Variants in CAB39 observed in about 807,000 individuals in gnomAD.
CAB39 encodes calcium-binding protein 39.
A neutral mutation model predicts 40.0 loss-of-function variants in CAB39; 8 were observed. The observed-to-expected ratio is 0.20, with a 90% confidence interval of 0.12 to 0.36. The LOEUF is 0.36. Ranked by LOEUF, CAB39 falls within the 10% of genes least tolerant of loss-of-function variation. The pLI is 1.00. For synonymous variants in CAB39, 156 were observed against 141.6 expected, an observed-to-expected ratio of 1.10 and a Z score of -0.72; for missense variants, 270 against 401.1, an observed-to-expected ratio of 0.67 and a Z score of 2.79.
chr2:230,790,828 G>A, intron 2 of CAB39, 44 bp from the exon 3 acceptor site: 1 of 1,512,044 alleles, frequency 6.6e-7, no homozygotes, highest in Non-Finnish European at 9.0e-7. Flanking sequence ...TTGTTAAAAT[G>A]AATTGTTTTT....
intron 5 of CAB39, among the ~76,000 whole-genome samples, chr2:230,800,782 G>T (rs1696077021): frequency 6.6e-6 from 1 of 152,156 alleles, no homozygotes; most frequent in South Asian, 2.1e-4. Flanking sequence ...GGCAAAGGTG[G>T]CTCAGAGGTG....
chr2:230,739,000 AT>A (rs2124886402), intron 1 of CAB39, among the ~76,000 whole-genome samples: 1 of 152,304 alleles, frequency 6.6e-6, no homozygotes, highest in East Asian at 1.9e-4. Context: ...CACAAAAATA[AT>A]TTTATGGAAG....
At chr2:230,759,322 C>T (rs1304719515) in intron 1 of CAB39, among the ~76,000 whole-genome samples, 2 of 152,110 alleles carry the variant, frequency 1.3e-5, no homozygotes, top group Admixed American at 6.5e-5. Flanking sequence ...GGAGGAGCAG[C>T]GTGAACACCG....
chr2:230,813,948 T>C (rs1250592817), intron 6 of CAB39, 101 bp from the exon 7 acceptor site: 3 of 599,982 alleles, frequency 5.0e-6, no homozygotes, highest in Admixed American at 3.6e-5. Flanking sequence ...AAATGTGTCC[T>C]TAAGCTAATT....
At chr2:230,818,027 A>C in intron 8 of CAB39, 130 bp downstream of exon 8, 2 of 811,984 alleles carry the variant, frequency 2.5e-6, no homozygotes, top group Non-Finnish European at 3.9e-6. Flanking sequence ...CACTTTTCAT[A>C]TTTGTGTGCT....
chr2:230,731,949 T>G (rs1178473901), intron 1 of CAB39, among the ~76,000 whole-genome samples: 1 of 152,252 alleles, frequency 6.6e-6, no homozygotes, highest in Non-Finnish European at 1.5e-5. Flanking sequence ...CAGTTTATCC[T>G]GCACTGATTT....
At chr2:230,815,681 C>T (rs1696387612) in intron 7 of CAB39, among the ~76,000 whole-genome samples, 1 of 152,124 alleles carries the variant, frequency 6.6e-6, no homozygotes, top group Non-Finnish European at 1.5e-5. Context: ...GGAGAAAGGC[C>T]TTCAAGACCC....
chr2:230,757,242 T>C (rs1033164056), intron 1 of CAB39, among the ~76,000 whole-genome samples: 2 of 152,154 alleles, frequency 1.3e-5, no homozygotes, highest in Admixed American at 1.3e-4. Context: ...ACCACAGGCA[T>C]GCATCACCAT....
chr2:230,759,921 CCA>C, intron 1 of CAB39, 36 bp from the exon 2 acceptor site: 1 of 673,496 alleles, frequency 1.5e-6, no homozygotes, highest in Non-Finnish European at 2.6e-6. Context: ...TCCGTTGATC[CCA>C]GTGTTTGCTC....
intron 2 of CAB39, among the ~76,000 whole-genome samples, chr2:230,773,839 G>C (rs980041482): frequency 1.1e-4 from 17 of 152,162 alleles, no homozygotes; most frequent in Non-Finnish European, 1.5e-4. Context: ...ATTTTGTCTT[G>C]ATATTAGGAA....
chr2:230,748,831 A>AAAAAATTAT (rs1386799920), intron 1 of CAB39, among the ~76,000 whole-genome samples: 1 of 28,512 alleles, frequency 3.5e-5, no homozygotes, highest in Non-Finnish European at 6.3e-5. Context: ...AAAAAAAAAA[A>AAAAAATTAT]ATATATATAT....
chr2:230,777,224 C>G (rs912567734), intron 2 of CAB39, among the ~76,000 whole-genome samples: 12 of 152,050 alleles, frequency 7.9e-5, no homozygotes, highest in African/African-American at 2.7e-4. Flanking sequence ...ATCCTTAATT[C>G]AGTACCACGT....
intron 1 of CAB39, among the ~76,000 whole-genome samples, chr2:230,730,530 C>T (rs963321553): frequency 3.3e-5 from 5 of 151,502 alleles, no homozygotes; most frequent in African/African-American, 9.7e-5. Flanking sequence ...CTGCAACCTC[C>T]GCCTCCTGGG....
At chr2:230,776,479 C>T (rs767792062) in intron 2 of CAB39, among the ~76,000 whole-genome samples, 7 of 152,204 alleles carry the variant, frequency 4.6e-5, no homozygotes, top group Non-Finnish European at 8.8e-5. Flanking sequence ...GCAATTGCAT[C>T]ACACTTATCT....
In CAB39 at chr2:230,817,869, T is replaced by C; in HGVS notation, c.809T>C (p.Ile270Thr). 6.2e-7 allele frequency: 1 copy of C among 1,613,214 alleles called. No homozygotes were observed. Residue 270 changes from isoleucine (I) to threonine (T), a missense_variant, in exon 8 of 9, where the codon ATC becomes ACC. Ile to Thr is a moderately conservative substitution (Grantham distance 89, BLOSUM62 -1). Coordinates refer to ENST00000258418, the MANE Select transcript of CAB39 (RefSeq NM_016289.4). ...MNLLRDKSRN[I>T]QFEAFHVFKV... The stretch of plus-strand genomic sequence containing the variant: ...CTGCTGCGAGACAAAAGTCGCAACA[T>C]CCAGTTTGAGGCCTTTCACGTTTTT...
At chr2:230,807,136 G>A (rs992776130) in intron 5 of CAB39, among the ~76,000 whole-genome samples, 2 of 151,978 alleles carry the variant, frequency 1.3e-5, no homozygotes, top group African/African-American at 4.8e-5. Flanking sequence ...TGCTGGTCTG[G>A]GGTCACATGC....
intron 2 of CAB39, among the ~76,000 whole-genome samples, chr2:230,788,228 CT>C: frequency 6.9e-6 from 1 of 144,606 alleles, no homozygotes; most frequent in African/African-American, 2.5e-5. Flanking sequence ...AGCTATAAAT[CT>C]TTGATTTTGT....
chr2:230,804,599 C>T (rs944482923), intron 5 of CAB39, among the ~76,000 whole-genome samples: 4 of 152,200 alleles, frequency 2.6e-5, no homozygotes, highest in African/African-American at 7.2e-5. Flanking sequence ...TATGAACAGA[C>T]ACTTTTCAAA....
intron 5 of CAB39, 144 bp downstream of exon 5, chr2:230,799,041 AG>A (rs1227384929): frequency 3.4e-6 from 2 of 587,844 alleles, no homozygotes; most frequent in Non-Finnish European, 5.8e-6. Context: ...TGTGTGATAG[AG>A]GTATATGCAG....
Sources: gnomAD v4.1 joint callset for allele counts (sites outside exome capture counted in the v4.1 genomes callset) on GRCh38, gnomAD v4.1.1 for gene constraint, MANE v1.5 for transcripts, NCBI Gene and HGNC (gene_info 2026-07-23, HGNC 2026-07-21) for gene names.